The following CNTNAP2 variants were observed in gnomAD, a reference collection of about 807,000 sequenced individuals.
CNTNAP2 encodes contactin associated protein 2.
Under a neutral mutation model 155.2 loss-of-function variants are expected in CNTNAP2, and 98 were observed. The observed-to-expected ratio is 0.63, with a 90% CI of 0.54 to 0.75. The LOEUF (loss-of-function observed/expected upper bound fraction) is 0.75, where lower values mean the gene tolerates loss of function less well. Ranked by LOEUF, CNTNAP2 falls within the 30% of genes least tolerant of loss-of-function variation. The probability of loss-of-function intolerance (pLI) is 0.00; values close to 1 mark genes in which losing one functional copy is unlikely to be tolerated. For missense variants in CNTNAP2, 1,727 were observed against 1,688.1 expected (o/e 1.02, Z -0.40); for synonymous variants, 651 against 631.2 (o/e 1.03, Z -0.47).
chr7:146,945,372 C>A (rs1027102735), intron 3 of CNTNAP2, among the ~76,000 whole-genome samples: 1 of 152,078 alleles, frequency 6.6e-6, no homozygotes, highest in African/African-American at 2.4e-5. Flanking sequence ...CTGTCTCAAC[C>A]CGGGAATATC....
intron 13 of CNTNAP2, among the ~76,000 whole-genome samples, chr7:147,726,321 C>A (rs1183730475): frequency 6.6e-6 from 1 of 151,742 alleles, no homozygotes; most frequent in Non-Finnish European, 1.5e-5. Flanking sequence ...CGTTTATTAC[C>A]CAGGTTGTGG....
At chr7:147,007,831 A>G (rs1393822918) in intron 3 of CNTNAP2, among the ~76,000 whole-genome samples, 1 of 152,126 alleles carries the variant, frequency 6.6e-6, no homozygotes, top group Non-Finnish European at 1.5e-5. Flanking sequence ...CTCACTCTCC[A>G]ATAAGTAAAT....
At chr7:146,971,865 A>G (rs1379256476) in intron 3 of CNTNAP2, among the ~76,000 whole-genome samples, 2 of 152,180 alleles carry the variant, frequency 1.3e-5, no homozygotes, top group African/African-American at 4.8e-5. Context: ...CATTCAGACC[A>G]TAATAAAGAG....
At chr7:146,400,419 G>T (rs1329272518) in intron 1 of CNTNAP2, among the ~76,000 whole-genome samples, 1 of 152,176 alleles carries the variant, frequency 6.6e-6, no homozygotes, top group Non-Finnish European at 1.5e-5. Flanking sequence ...AGGACTTGAT[G>T]GAAAAGAAAG....
intron 13 of CNTNAP2, among the ~76,000 whole-genome samples, chr7:147,776,265 GT>G (rs374384682): frequency 0.028 from 3,757 of 135,210 alleles, 84 homozygotes; most frequent in African/African-American, 0.062. Context: ...CAATGGCTGG[GT>G]TTTTTTTTTT....
chr7:146,534,465 C>T (rs187651472), intron 1 of CNTNAP2, among the ~76,000 whole-genome samples: 10 of 152,052 alleles, frequency 6.6e-5, no homozygotes, highest in South Asian at 2.1e-4. Flanking sequence ...TGCAAATGTA[C>T]GGTGTATACA....
chr7:146,289,967 A>C (rs1244989613), intron 1 of CNTNAP2, among the ~76,000 whole-genome samples: 1 of 152,226 alleles, frequency 6.6e-6, no homozygotes, highest in African/African-American at 2.4e-5. Flanking sequence ...TTAAGAAATG[A>C]AAACTTATAA....
intron 1 of CNTNAP2, among the ~76,000 whole-genome samples, chr7:146,532,658 GCAAA>G (rs1797786542): frequency 6.6e-6 from 1 of 152,096 alleles, no homozygotes; most frequent in South Asian, 2.1e-4. Flanking sequence ...GGAAGTAACT[GCAAA>G]CAATTTAACT....
rs554430230 is a variant in CNTNAP2, at chr7:146,424,237, CT to C, written c.97+307265del. 7.9e-5 allele frequency among the ~76,000 whole-genome samples: 12 copies of C among 152,288 alleles called. No homozygotes were observed. The South Asian group carries it at 1.9e-3, about 24-fold the overall frequency. On this transcript the variant is annotated intron_variant, in intron 1 of 23. Coordinates refer to ENST00000361727, the MANE Select transcript of CNTNAP2 (RefSeq NM_014141.6). ...TGCTTTTGAGATCTTCAAACTCCCC[CT>C]GGCCCATTTTCTGTAATTCACTAAA...
intron 2 of CNTNAP2, among the ~76,000 whole-genome samples, chr7:146,780,070 C>G (rs1802456411): frequency 1.3e-5 from 2 of 152,158 alleles, no homozygotes; most frequent in African/African-American, 2.4e-5. Context: ...ATTTCTGGTT[C>G]TAGATCCTTG....
At chr7:148,075,490 T>A (rs1280403497) in intron 15 of CNTNAP2, among the ~76,000 whole-genome samples, 1 of 151,766 alleles carries the variant, frequency 6.6e-6, no homozygotes, top group Non-Finnish European at 1.5e-5. Flanking sequence ...TGATTTCCAG[T>A]GAGTGAAGGA....
At chr7:146,918,076 A>C (rs911928630) in intron 3 of CNTNAP2, among the ~76,000 whole-genome samples, 9 of 152,260 alleles carry the variant, frequency 5.9e-5, no homozygotes, top group Middle Eastern at 3.4e-3. Context: ...GCAAGTCCAC[A>C]TGTGTCAGGT....
chr7:146,174,143 A>C (rs1002997157), intron 1 of CNTNAP2, among the ~76,000 whole-genome samples: 1 of 151,926 alleles, frequency 6.6e-6, no homozygotes, highest in Non-Finnish European at 1.5e-5. Flanking sequence ...GGGAGGACGC[A>C]GTGAGCTATA....
At chr7:148,210,437 C>T (rs1795525557) in intron 18 of CNTNAP2, among the ~76,000 whole-genome samples, 2 of 152,190 alleles carry the variant, frequency 1.3e-5, no homozygotes, top group Admixed American at 1.3e-4. Flanking sequence ...AAACTATCTT[C>T]CTGTTTAAGA....
intron 1 of CNTNAP2, among the ~76,000 whole-genome samples, chr7:146,420,947 A>T (rs1796003278): frequency 6.6e-6 from 1 of 152,078 alleles, no homozygotes; most frequent in Non-Finnish European, 1.5e-5. Context: ...ATGCCCTGAT[A>T]GTCACATTTT....
chr7:147,113,784 A>AT (rs1362240940), intron 5 of CNTNAP2, among the ~76,000 whole-genome samples: 1 of 151,906 alleles, frequency 6.6e-6, no homozygotes, highest in Non-Finnish European at 1.5e-5. Flanking sequence ...TTTTTGAAGG[A>AT]TTTTTTTGTG....
Position 146,567,724 on chromosome 7 carries a change from T to G in CNTNAP2, c.98-206547T>G, listed in dbSNP as rs576727685. On this transcript the variant is annotated intron_variant, in intron 1 of 23. Coordinates refer to ENST00000361727, the MANE Select transcript of CNTNAP2 (RefSeq NM_014141.6). ...AATTCAAACAGATATAATTTTAACT[T>G]AAAACTTTTTTTGGGGGACGGAGTC... 2.0e-5 allele frequency among the ~76,000 whole-genome samples: 3 copies of G among 152,242 alleles called. No homozygotes were observed. In the South Asian group the frequency reaches 6.2e-4, roughly 32 times the overall value.
intron 22 of CNTNAP2, among the ~76,000 whole-genome samples, chr7:148,384,904 C>T (rs1054935638): frequency 6.6e-6 from 1 of 152,156 alleles, no homozygotes; most frequent in Non-Finnish European, 1.5e-5. Context: ...TGTTTTATCA[C>T]AAGCGTTAAA....
chr7:146,779,723 G>A (rs1802449621), intron 2 of CNTNAP2, among the ~76,000 whole-genome samples: 1 of 152,130 alleles, frequency 6.6e-6, no homozygotes, highest in African/African-American at 2.4e-5. Context: ...TTTTCCCTGA[G>A]TAATTTCTCC....
Sources: allele counts gnomAD v4.1 joint callset (sites outside exome capture counted in the v4.1 genomes callset), GRCh38; gene constraint gnomAD v4.1.1; transcripts MANE v1.5; gene names NCBI Gene and HGNC (gene_info 2026-07-23, HGNC 2026-07-21).